Variants in SENP6 observed in about 807,000 individuals in gnomAD.
SENP6 encodes the protein sentrin-specific protease 6.
Under a neutral mutation model 134.5 loss-of-function variants are expected in SENP6, and 41 were observed. The observed-to-expected ratio is 0.30, with a 90% CI of 0.24 to 0.40. The LOEUF (loss-of-function observed/expected upper bound fraction) is 0.40. SENP6 is among the 10% of genes least tolerant of loss of function. SENP6 has a pLI of 1.00. For missense variants in SENP6, 1,248 were observed against 1,312.5 expected, an observed-to-expected ratio of 0.95 and a Z score of 0.76; for synonymous variants, 395 against 429.8, an observed-to-expected ratio of 0.92 and a Z score of 1.00.
intron 21 of SENP6, among the ~76,000 whole-genome samples, chr6:75,712,277 A>G (rs1233729343): frequency 2.6e-5 from 4 of 152,216 alleles, no homozygotes; most frequent in Non-Finnish European, 5.9e-5. Flanking sequence ...AAATGTTGAC[A>G]GAAACTCTAT....
chr6:75,644,939 A>G (rs1220640537), intron 6 of SENP6, among the ~76,000 whole-genome samples: 1 of 152,256 alleles, frequency 6.6e-6, no homozygotes, highest in Non-Finnish European at 1.5e-5. Context: ...ATCTAAAATT[A>G]TTTCAAACTT....
intron 3 of SENP6, among the ~76,000 whole-genome samples, chr6:75,632,783 A>G (rs1769211440): frequency 6.6e-6 from 1 of 152,188 alleles, no homozygotes; most frequent in Admixed American, 6.5e-5. Context: ...GAGTACTCTA[A>G]TCTGTGAGAT....
chr6:75,704,769 C>G (rs1775277687), intron 19 of SENP6, among the ~76,000 whole-genome samples: 1 of 152,196 alleles, frequency 6.6e-6, no homozygotes, highest in South Asian at 2.1e-4. Flanking sequence ...GGGCAGAGGT[C>G]CCTGCGGCTT....
intron 3 of SENP6, among the ~76,000 whole-genome samples, chr6:75,631,033 TA>T (rs1398007992): frequency 6.6e-6 from 1 of 152,036 alleles, no homozygotes; most frequent in Non-Finnish European, 1.5e-5. Flanking sequence ...TTTTTTTTTT[TA>T]CTTTTAAAAG....
rs1002642552 is a variant in SENP6 at position 75,716,264 on chromosome 6, TATC to T, written c.*675_*677del. On this transcript the variant is annotated 3_prime_UTR_variant, in exon 24 of 24. Coordinates refer to ENST00000447266, the MANE Select transcript of SENP6 (RefSeq NM_015571.4). ...CTAAAAAAAAAATTCTTGCATATAT[TATC>T]ATCAAATGCATTTTTGAAGACATCA... 1.3e-5 allele frequency: 2 copies of T among 151,992 alleles called. No individual in the cohort carries two copies. Among genetic ancestry groups the T allele is most frequent in the African/African-American group, 4.8e-5 (2 of 41,430 alleles). The allele number at this position is 151,992 out of a possible 1,614,324, so 9.4% of individuals were successfully genotyped here. A position where few individuals can be genotyped will look rare whatever the true frequency, so the allele number is the denominator to read the frequency against.
chr6:75,715,556 G>A lies in SENP6; in HGVS notation c.3301G>A (p.Glu1101Lys), dbSNP rs771637962. The change falls in exon 24 of 24, where the codon GAA (glutamate) becomes AAA (lysine). Residue 1101 changes from glutamate to lysine, a missense_variant. Physicochemically the swap from Glu to Lys is moderately conservative, Grantham distance 56. Around this residue, in one of 3 missense-constraint regions of SENP6, gnomAD observed 386 missense variants for 395.0 expected, o/e 0.98. Transcript: ENST00000447266. ...DTYSTEAPLG[E>K]GTEQYVNSIS... is the part of the protein sequence containing the mutation. ...TTACTCAACAGAAGCACCTTTAGGCGAAGGAACAGAACAATATGTCAATAG... is the reference window on the plus strand; with the variant it reads ...TTACTCAACAGAAGCACCTTTAGGCAAAGGAACAGAACAATATGTCAATAG... 11 of 1,612,910 alleles carry A rather than the reference G, an allele frequency of 6.8e-6. No homozygotes were observed. Among genetic ancestry groups the A allele is most frequent in the Admixed American group, 3.3e-5 (2 of 59,952 alleles).
chr6:75,637,738 T>C (rs1205461448), intron 5 of SENP6, among the ~76,000 whole-genome samples: 1 of 152,168 alleles, frequency 6.6e-6, no homozygotes, highest in Non-Finnish European at 1.5e-5. Flanking sequence ...ATCTTTTAAG[T>C]CTTCCCCCGC....
chr6:75,680,916 T>C (rs1437092904), intron 16 of SENP6, among the ~76,000 whole-genome samples: 2 of 152,192 alleles, frequency 1.3e-5, no homozygotes, highest in African/African-American at 4.8e-5. Flanking sequence ...ACAAGAATTA[T>C]ATTGCTCTAC....
intron 3 of SENP6, 117 bp from the exon 4 acceptor site, chr6:75,633,464 C>T (rs1769267659): frequency 1.2e-6 from 1 of 801,714 alleles, no homozygotes; most frequent in South Asian, 2.2e-5. Flanking sequence ...CAATGCTATC[C>T]ACCATCATTC....
chr6:75,712,456 C>G (rs1246273629), intron 21 of SENP6, among the ~76,000 whole-genome samples: 1 of 151,782 alleles, frequency 6.6e-6, no homozygotes, highest in Non-Finnish European at 1.5e-5. Flanking sequence ...GCAGGAGGAC[C>G]GCATGAGGCC....
chr6:75,642,528 GAA>G (rs895613608), intron 6 of SENP6, among the ~76,000 whole-genome samples: 1 of 152,084 alleles, frequency 6.6e-6, no homozygotes, highest in African/African-American at 2.4e-5. Context: ...TCAAAGAACA[GAA>G]AAAAGGGGCC....
chr6:75,692,733 G>T (rs530978986), intron 16 of SENP6, among the ~76,000 whole-genome samples: 1 of 150,218 alleles, frequency 6.7e-6, no homozygotes. Flanking sequence ...CATCCTCCCC[G>T]CATCCCACTC....
intron 4 of SENP6, 107 bp downstream of exon 4, chr6:75,633,833 T>C: frequency 1.1e-6 from 1 of 910,106 alleles, no homozygotes; most frequent in South Asian, 2.2e-5. Flanking sequence ...TCTGAATTTG[T>C]CTATAGGGCC....
intron 1 of SENP6, 91 bp downstream of exon 1, chr6:75,602,667 G>A (rs1766719143): frequency 7.5e-7 from 1 of 1,334,452 alleles, no homozygotes; most frequent in South Asian, 1.3e-5. Flanking sequence ...ATCTGCGCTG[G>A]GTGGGTTTCG....
intron 2 of SENP6, chr6:75,622,660 A>T (rs189758089): frequency 1.5e-5 from 8 of 534,112 alleles, no homozygotes; most frequent in Middle Eastern, 3.4e-4. Context: ...AGATCCACAA[A>T]TATACACACA....
chr6:75,633,057 C>G (rs1304170346), intron 3 of SENP6, among the ~76,000 whole-genome samples: 1 of 151,958 alleles, frequency 6.6e-6, no homozygotes, highest in Non-Finnish European at 1.5e-5. Flanking sequence ...CTCCTTTTGC[C>G]TGTTATATAC....
intron 23 of SENP6, among the ~76,000 whole-genome samples, chr6:75,714,425 C>T (rs1263905810): frequency 6.6e-6 from 1 of 152,154 alleles, no homozygotes; most frequent in East Asian, 1.9e-4. Context: ...TGAATTGTGT[C>T]ATTTAATGTC....
Position 75,602,538 on chromosome 6 carries a change from A to G in SENP6, c.14A>G (p.Lys5Arg), listed in dbSNP as rs758939639. Residue 5 changes from lysine (K) to arginine (R), a missense_variant, in exon 1 of 24, where the codon AAG becomes AGG. Lys to Arg is a conservative substitution (Grantham distance 26). This residue lies in a region of SENP6 where 733 missense variants were observed against 725.4 expected (regional missense o/e 1.01). Coordinates refer to ENST00000447266, the MANE Select transcript of SENP6 (RefSeq NM_015571.4). The stretch of plus-strand genomic sequence containing the variant: ...GGGAGGAGGAAGATGGCGGCCGGCA[A>G]GAGCGGCGGTAGCGCAGGGGAGATT... MAAG[K>R]SGGSAGEITF... 7 of 1,551,432 alleles carry G rather than the reference A, an allele frequency of 4.5e-6. No individual in the cohort carries two copies. The highest frequency in any genetic ancestry group is 1.4e-5 in the African/African-American group (1 of 73,062).
chr6:75,634,964 A>G (rs1311164541), intron 5 of SENP6, 153 bp downstream of exon 5: 4 of 685,968 alleles, frequency 5.8e-6, no homozygotes, highest in South Asian at 1.5e-5. Context: ...ACATGAAATT[A>G]TACTATTTTA....
Sources: gnomAD v4.1 joint callset for allele counts (sites outside exome capture counted in the v4.1 genomes callset) on GRCh38, gnomAD v4.1.1 for gene constraint, gnomAD v4.1.1 regional missense constraint, MANE v1.5 for transcripts, NCBI Gene and HGNC (gene_info 2026-07-23, HGNC 2026-07-21) for gene names.